MCCC1: variants seen among roughly 807,000 people sequenced by gnomAD.
MCCC1 encodes methylcrotonyl-CoA carboxylase subunit 1, also known as methylcrotonoyl-CoA carboxylase subunit alpha, mitochondrial.
Under a neutral mutation model 83.8 loss-of-function variants are expected in MCCC1, and 64 were observed. The ratio of observed to expected loss-of-function variants is 0.76; its 90% CI spans 0.62 to 0.94. The LOEUF (loss-of-function observed/expected upper bound fraction) is 0.94, where lower values mean the gene tolerates loss of function less well. Ranked by LOEUF, MCCC1 falls within the 40% of genes least tolerant of loss-of-function variation. The pLI, the probability that MCCC1 is intolerant of heterozygous loss-of-function variation, is 0.00. For synonymous variants in MCCC1, 322 were observed against 315.4 expected (o/e 1.02, Z -0.22); for missense variants, 807 against 904.7 (o/e 0.89, Z 1.39).
chr3:183,033,215 C>A (rs1454770455), intron 14 of MCCC1, among the ~76,000 whole-genome samples: 5 of 152,224 alleles, frequency 3.3e-5, no homozygotes, highest in African/African-American at 1.2e-4. Flanking sequence ...AAGCGTCAGC[C>A]TCTTTTGACA....
chr3:183,089,582 C>T (rs1252260228), intron 3 of MCCC1, among the ~76,000 whole-genome samples: 3 of 151,968 alleles, frequency 2.0e-5, no homozygotes, highest in Non-Finnish European at 4.4e-5. Flanking sequence ...CCACTGCACT[C>T]CAGCCTAGCT....
At chr3:183,072,701 G>T (rs931134751) in intron 4 of MCCC1, among the ~76,000 whole-genome samples, 1 of 152,100 alleles carries the variant, frequency 6.6e-6, no homozygotes, top group African/African-American at 2.4e-5. Context: ...TCTTTTTATT[G>T]TGATAATATA....
intron 10 of MCCC1, among the ~76,000 whole-genome samples, chr3:183,043,077 G>T: frequency 6.6e-6 from 1 of 152,196 alleles, no homozygotes; most frequent in East Asian, 1.9e-4. Flanking sequence ...ATCACCTGAG[G>T]TCAGGAATTC....
intron 14 of MCCC1, among the ~76,000 whole-genome samples, chr3:183,031,001 C>T (rs1007853201): frequency 4.6e-5 from 7 of 152,276 alleles, no homozygotes; most frequent in African/African-American, 1.7e-4. Flanking sequence ...AAAACTCCTA[C>T]CCTAGATATC....
chr3:183,071,042 T>C lies in MCCC1; in HGVS notation c.718A>G (p.Asn240Asp). The change falls in exon 7 of 19, where the codon AAT (asparagine) becomes GAT (aspartate). Residue 240 changes from asparagine (N) to aspartate (D), a missense_variant. Physicochemically the swap from Asn to Asp is conservative, Grantham distance 23 (BLOSUM62 1). Coordinates refer to ENST00000265594, the MANE Select transcript of MCCC1 (RefSeq NM_020166.5). ...SARREAKKSF[N>D]DDAMLIEKFV... is the part of the protein sequence containing the mutation. The stretch of plus-strand genomic sequence containing the variant: ...TTCTCGATCAGCATAGCATCATCAT[T>C]GAAAGACTTCTTAGCTTCTCTCCGT... The C allele has an allele frequency of 6.2e-7, 1 of 1,614,216 alleles. No individual in the cohort carries two copies. The highest frequency in any genetic ancestry group is 8.5e-7 in the Non-Finnish European group (1 of 1,180,026).
chr3:183,049,039 A>G (rs1253340924), intron 9 of MCCC1, among the ~76,000 whole-genome samples: 1 of 152,218 alleles, frequency 6.6e-6, no homozygotes, highest in Non-Finnish European at 1.5e-5. Flanking sequence ...AATTTAAAAT[A>G]TTCTCAACTA....
chr3:183,104,606 A>G (rs1015816624), intron 1 of MCCC1, among the ~76,000 whole-genome samples: 1 of 152,224 alleles, frequency 6.6e-6, no homozygotes, highest in Admixed American at 6.5e-5. Flanking sequence ...TCCTTAATAT[A>G]TAAAGAACTA....
intron 4 of MCCC1, among the ~76,000 whole-genome samples, chr3:183,083,204 T>C (rs10937112): frequency 1.3e-5 from 2 of 152,004 alleles, no homozygotes; most frequent in Non-Finnish European, 2.9e-5. Context: ...CTTTACTAGA[T>C]GGCCAATAAG....
intron 8 of MCCC1, 151 bp downstream of exon 8, chr3:183,057,159 AG>A: frequency 1.5e-6 from 1 of 685,806 alleles, no homozygotes; most frequent in Non-Finnish European, 2.6e-6. Flanking sequence ...CCAATACCAC[AG>A]GAGGTCTTTT....
intron 11 of MCCC1, 97 bp downstream of exon 11, chr3:183,041,470 G>C (rs1714074941): frequency 2.3e-6 from 3 of 1,284,000 alleles, no homozygotes; most frequent in Middle Eastern, 1.9e-4. Flanking sequence ...AAATATGCTA[G>C]ACAGTTCTGT....
chr3:183,100,022 T>C (rs1167576287), upstream of MCCC1, among the ~76,000 whole-genome samples: 1 of 151,948 alleles, frequency 6.6e-6, no homozygotes, highest in Non-Finnish European at 1.5e-5. Flanking sequence ...AAACACTACA[T>C]GTAGATGCTT....
intron 3 of MCCC1, among the ~76,000 whole-genome samples, chr3:183,087,994 G>C (rs1260802269): frequency 1.3e-5 from 2 of 151,938 alleles, no homozygotes; most frequent in Non-Finnish European, 1.5e-5. Flanking sequence ...CCTACATAAA[G>C]GTGGGAGGAA....
intron 1 of MCCC1, among the ~76,000 whole-genome samples, chr3:183,095,011 C>T (rs762476060): frequency 2.0e-5 from 3 of 152,172 alleles, no homozygotes; most frequent in Non-Finnish European, 2.9e-5. Flanking sequence ...TGGCCAGGCA[C>T]GGTGGCTCAC....
intron 1 of MCCC1, among the ~76,000 whole-genome samples, chr3:183,110,393 A>G (rs1319449029): frequency 7.7e-6 from 1 of 129,556 alleles, no homozygotes. Context: ...TTTAGTCACA[A>G]TTTTTTTTTT....
chr3:183,037,737 G>A lies in MCCC1; in HGVS notation c.1378-303C>T, dbSNP rs553428755. Among the ~76,000 whole-genome samples, 27 of 152,266 alleles carry A rather than the reference G, an allele frequency of 1.8e-4. No individual in the cohort carries two copies. The South Asian group carries it at 5.2e-3, about 29-fold the overall frequency. Reference sequence around the variant, plus strand: ...GAGGCACTTACTTGACTCAGGTTAGGAACATAATAAATGTTAAGAAACATA... The same window carrying A: ...GAGGCACTTACTTGACTCAGGTTAGAAACATAATAAATGTTAAGAAACATA... On this transcript the variant is annotated intron_variant, in intron 12 of 18. Coordinates refer to ENST00000265594, the MANE Select transcript of MCCC1 (RefSeq NM_020166.5).
chr3:183,034,477 AC>A (rs1713388070), intron 13 of MCCC1, among the ~76,000 whole-genome samples: 1 of 150,984 alleles, frequency 6.6e-6, no homozygotes. Context: ...AAACAAAAAA[AC>A]ACACGTCCTA....
intron 10 of MCCC1, among the ~76,000 whole-genome samples, chr3:183,044,002 C>T (rs1167308686): frequency 6.6e-6 from 1 of 152,144 alleles, no homozygotes; most frequent in Non-Finnish European, 1.5e-5. Context: ...TTTTCGTTAA[C>T]ACCCTAGGAT....
chr3:183,052,727 G>A (rs1041963403), intron 8 of MCCC1, among the ~76,000 whole-genome samples: 2 of 150,840 alleles, frequency 1.3e-5, no homozygotes, highest in African/African-American at 2.4e-5. Context: ...GAAGAATGGC[G>A]TGACCCTGGG....
chr3:183,030,067 G>A (rs1712924848), intron 14 of MCCC1, among the ~76,000 whole-genome samples: 1 of 152,148 alleles, frequency 6.6e-6, no homozygotes, highest in African/African-American at 2.4e-5. Context: ...CAGTACTTTG[G>A]GAGGCCGAGG....
Sources: allele counts gnomAD v4.1 joint callset (sites outside exome capture counted in the v4.1 genomes callset), GRCh38; gene constraint gnomAD v4.1.1; transcripts MANE v1.5; gene names NCBI Gene and HGNC (gene_info 2026-07-23, HGNC 2026-07-21).